Variants in MICALL1 observed in about 807,000 individuals in gnomAD.
MICALL1 encodes MICAL-like protein 1.
A neutral mutation model predicts 83.7 loss-of-function variants in MICALL1; 61 were observed. The observed-to-expected ratio is 0.73, with a 90% CI of 0.59 to 0.90. The LOEUF is 0.90. Ranked by LOEUF, MICALL1 falls within the 40% of genes least tolerant of loss-of-function variation. MICALL1 has a pLI of 0.00. For synonymous variants in MICALL1, 481 were observed against 473.6 expected (o/e 1.02, Z -0.20); for missense variants, 1,066 against 1,152.0 (o/e 0.93, Z 1.08).
At chr22:37,925,090 C>T (rs1351095983) in intron 7 of MICALL1, among the ~76,000 whole-genome samples, 1 of 152,188 alleles carries the variant, frequency 6.6e-6, no homozygotes, top group East Asian at 1.9e-4. Context: ...GTACCAGTCC[C>T]TCAGGTCCTG....
intron 15 of MICALL1, among the ~76,000 whole-genome samples, chr22:37,939,501 C>T (rs1270427694): frequency 6.6e-6 from 1 of 152,152 alleles, no homozygotes; most frequent in South Asian, 2.1e-4. Flanking sequence ...GGGGGCCAGG[C>T]GCGGTGGCTC....
chr22:37,940,485 C>T (rs1324419934), intron 15 of MICALL1, among the ~76,000 whole-genome samples: 4 of 152,204 alleles, frequency 2.6e-5, no homozygotes, highest in Middle Eastern at 3.4e-3. Context: ...TGATCTTTCC[C>T]CAAACACTGG....
At chr22:37,917,348 T>C (rs1450319414) in intron 3 of MICALL1, among the ~76,000 whole-genome samples, 2 of 152,196 alleles carry the variant, frequency 1.3e-5, no homozygotes, top group Non-Finnish European at 2.9e-5. Context: ...GGTTCCTTTC[T>C]TTTCCTTTCC....
chr22:37,937,891 A>T lies in MICALL1; in HGVS notation c.2470+99A>T, dbSNP rs563173709. The T allele has an allele frequency of 1.1e-5, 16 of 1,471,074 alleles. 1 individual carries two copies. The East Asian group carries it at 3.7e-4, about 34-fold the overall frequency. 91.1% of individuals were successfully genotyped at this position (1,471,074 alleles called of 1,614,324 possible). A position where few individuals can be genotyped will look rare whatever the true frequency, so the allele number is the denominator to read the frequency against. On this transcript the variant is annotated intron_variant, in intron 15 of 15. Coordinates refer to ENST00000215957, the MANE Select transcript of MICALL1 (RefSeq NM_033386.4). Reference sequence around the variant, plus strand: ...TGAAGGGAGGGTTGGAGTGGGCACTACCAGGATGGCTGTGCACAAACTCCG... The same window carrying T: ...TGAAGGGAGGGTTGGAGTGGGCACTTCCAGGATGGCTGTGCACAAACTCCG...
Position 37,906,734 on chromosome 22 carries a change from C to G in MICALL1, c.146+166C>G. 1 of 451,610 alleles carries G rather than the reference C, an allele frequency of 2.2e-6. No homozygotes were observed. The highest frequency in any genetic ancestry group is 3.1e-6 in the Non-Finnish European group (1 of 319,718). The allele number at this position is 451,610 out of a possible 1,614,324, so 28.0% of individuals were successfully genotyped here. On this transcript the variant is annotated intron_variant, in intron 1 of 15. Transcript: ENST00000215957. The surrounding 1 kb of genome is among the most constrained non-coding windows in gnomAD (Gnocchi z 4.4). ...GACGCCGGGCGGGTCCCTGAGACCC[C>G]GGCCCAGGGCGCCCCTCCCCCGCCC... is the stretch of plus-strand genomic sequence containing the variant.
Position 37,925,859 on chromosome 22 carries a change from TGAG to T in MICALL1, c.1296_1298del (p.Glu432del), listed in dbSNP as rs748727207. ...TGGAGTCCAAACCCTATAACCCCTT[TGAG>T]GAGGAGGAGGAGGACAAGGAGGAAG... On this transcript the variant is annotated inframe_deletion, in exon 8 of 16. Transcript: ENST00000215957. 12 of 1,613,342 alleles carry T rather than the reference TGAG, an allele frequency of 7.4e-6. No homozygotes were observed. The East Asian group carries it at 1.8e-4, about 24-fold the overall frequency.
intron 13 of MICALL1, among the ~76,000 whole-genome samples, chr22:37,933,374 G>C (rs758176287): frequency 2.0e-5 from 3 of 152,088 alleles, no homozygotes; most frequent in Non-Finnish European, 4.4e-5. Context: ...GACCAGGGAT[G>C]ACAGGCTCTC....
intron 8 of MICALL1, 64 bp from the exon 9 acceptor site, chr22:37,927,347 G>C: frequency 6.8e-7 from 1 of 1,461,336 alleles, no homozygotes. Context: ...GTGGAGCCGG[G>C]AGGTGGGGCT....
intron 6 of MICALL1, among the ~76,000 whole-genome samples, chr22:37,922,802 T>TTG (rs1569141794): frequency 7.2e-6 from 1 of 138,738 alleles, no homozygotes. Flanking sequence ...TTTTGTTTTT[T>TTG]TTTTTTTTTT....
chr22:37,911,926 A>G, intron 1 of MICALL1, 26 bp from the exon 2 acceptor site: 1 of 1,613,838 alleles, frequency 6.2e-7, no homozygotes, highest in South Asian at 1.1e-5. Flanking sequence ...CCTCTTGACC[A>G]ACCCTCCTCC....
At chr22:37,911,900 T>C (rs374495360) in intron 1 of MICALL1, 52 bp from the exon 2 acceptor site, 2 of 1,587,070 alleles carry the variant, frequency 1.3e-6, no homozygotes, top group African/African-American at 2.7e-5. Flanking sequence ...CCCGCCCCTA[T>C]TTCCCAGTCA....
At chr22:37,926,663 G>A (rs1272147623) in intron 8 of MICALL1, 1 of 152,976 alleles carries the variant, frequency 6.5e-6, no homozygotes, top group African/African-American at 2.4e-5. Context: ...CTGGGTTTTT[G>A]GCCCTAACCT....
chr22:37,922,595 A>ATTTTTT (rs1929129836), intron 6 of MICALL1, among the ~76,000 whole-genome samples, 169 bp downstream of exon 6: 1 of 78,454 alleles, frequency 1.3e-5, no homozygotes, highest in African/African-American at 5.6e-5. Flanking sequence ...ATATATATAT[A>ATTTTTT]TATATATTTT....
rs374050464 is a variant in MICALL1 at position 37,931,888 on chromosome 22, G to A, written c.1971G>A (p.Val657=). ...TKKATKGSKP[V]RPPAPGHGFP... is the part of the protein sequence containing the mutation. ...AGGCCACCAAGGGATCCAAGCCAGT[G>A]AGGCCACCTGCCCCTGGACACGGCT... is the stretch of plus-strand genomic sequence containing the variant. The change falls in exon 10 of 16, where the codon GTG becomes GTA. Residue 657 remains valine (V), a synonymous_variant. Transcript: ENST00000215957. 6 of 1,614,134 alleles carry A rather than the reference G, an allele frequency of 3.7e-6. No individual in the cohort carries two copies. Among genetic ancestry groups the A allele is most frequent in the Non-Finnish European group, 5.1e-6 (6 of 1,180,026 alleles).
intron 6 of MICALL1, among the ~76,000 whole-genome samples, chr22:37,923,418 G>T (rs547345360): frequency 7.0e-6 from 1 of 142,614 alleles, no homozygotes; most frequent in African/African-American, 2.6e-5. Context: ...GGTAGAGATG[G>T]GTTTTCACCA....
chr22:37,925,994 C>T lies in MICALL1; in HGVS notation c.1416C>T (p.Pro472=), dbSNP rs1929412902. 1 of 1,613,596 alleles carries T rather than the reference C, an allele frequency of 6.2e-7. No individual in the cohort carries two copies. The highest frequency in any genetic ancestry group is 1.1e-5 in the South Asian group (1 of 91,050). ...ACGGCATCACCCCTACCAGCAGCCC[C>T]AAGACAAAGAAGCGCCCTGCCCCGC... ...PWYGITPTSS[P]KTKKRPAPRA... is the part of the protein sequence containing the mutation. Residue 472 remains proline, a synonymous_variant, in exon 8 of 16, where the codon CCC becomes CCT. Transcript: ENST00000215957.
intron 5 of MICALL1, among the ~76,000 whole-genome samples, chr22:37,919,635 CA>C (rs34083064): frequency 0.021 from 1,230 of 59,662 alleles, 7 homozygotes; most frequent in African/African-American, 0.077. Context: ...GACTCTGTCT[CA>C]AAAAAAAAAA....
Position 37,932,480 on chromosome 22 carries a change from C to A in MICALL1, c.2017-73C>A. On this transcript the variant is annotated intron_variant, in intron 10 of 15. Coordinates refer to ENST00000215957, the MANE Select transcript of MICALL1 (RefSeq NM_033386.4). The surrounding 1 kb of genome is among the most constrained non-coding windows in gnomAD (Gnocchi z 4.4). ...GCCCTGGAGCCACCAGTGGCCAATG[C>A]TGGCCAGAGAAGAGGGCAAGGCTCC... 1 of 1,585,398 alleles carries A rather than the reference C, an allele frequency of 6.3e-7. No homozygotes were observed. The highest frequency in any genetic ancestry group is 1.1e-5 in the South Asian group (1 of 87,070).
intron 14 of MICALL1, 29 bp from the exon 15 acceptor site, chr22:37,937,717 C>G (rs1426517269): frequency 7.4e-6 from 12 of 1,611,442 alleles, no homozygotes; most frequent in Non-Finnish European, 9.3e-6. Flanking sequence ...AGCCACCACG[C>G]CCAGCTTAAC....
Sources: allele counts gnomAD v4.1 joint callset (sites outside exome capture counted in the v4.1 genomes callset), GRCh38; gene constraint gnomAD v4.1.1; non-coding constraint Gnocchi (gnomAD v3.1); transcripts MANE v1.5; gene names NCBI Gene and HGNC (gene_info 2026-07-23, HGNC 2026-07-21).